SPPL2A: variants seen among roughly 807,000 people sequenced by gnomAD.
SPPL2A encodes signal peptide peptidase-like 2A.
In SPPL2A, 51 loss-of-function variants were observed where a neutral mutation model predicts 63.8. That is an observed-to-expected ratio of 0.80 (90% confidence interval 0.64 to 1.01). The LOEUF (loss-of-function observed/expected upper bound fraction) is 1.01. SPPL2A is among the 50% of genes least tolerant of loss of function. SPPL2A has a pLI of 0.00. For synonymous variants in SPPL2A, 188 were observed against 205.8 expected (o/e 0.91, Z 0.74); for missense variants, 553 against 622.7 (o/e 0.89, Z 1.19).
At chr15:50,752,704 C>T (rs1380258677) in intron 1 of SPPL2A, among the ~76,000 whole-genome samples, 1 of 145,896 alleles carries the variant, frequency 6.9e-6, no homozygotes, top group Non-Finnish European at 1.5e-5. Flanking sequence ...TGCAACAGAG[C>T]AAGACTCCAT....
rs752242047 is a variant in SPPL2A at position 50,765,455 on chromosome 15, C to T, written c.66+13G>A. The T allele has an allele frequency of 1.9e-5, 29 of 1,500,314 alleles. No individual in the cohort carries two copies. The Admixed American group carries it at 4.9e-4, about 25-fold the overall frequency. 92.9% of individuals were successfully genotyped at this position (1,500,314 alleles called of 1,614,324 possible). A position where few individuals can be genotyped will look rare whatever the true frequency, so the allele number is the denominator to read the frequency against. On this transcript the variant is annotated intron_variant, in intron 1 of 14. Transcript: ENST00000261854. ...AGCCCCTGGGAGGCCTGCGCGCCTTCCCGCCCCCTTACCAGCTGGAGCAGG... is the reference window on the plus strand; with the variant it reads ...AGCCCCTGGGAGGCCTGCGCGCCTTTCCGCCCCCTTACCAGCTGGAGCAGG...
rs952195202 is a variant in SPPL2A at position 50,726,106 on chromosome 15, T to C, written c.1146+215A>G. The C allele has an allele frequency of 3.3e-6, 5 of 1,509,114 alleles. No individual in the cohort carries two copies. The African/African-American group carries it at 4.1e-5, about 13-fold the overall frequency. The allele number at this position is 1,509,114 out of a possible 1,614,324, so 93.5% of individuals were successfully genotyped here. A position where few individuals can be genotyped will look rare whatever the true frequency, so the allele number is the denominator to read the frequency against. The stretch of plus-strand genomic sequence containing the variant: ...GGGGAGCTGAGGGTTGACCAGTGGC[T>C]TCCACCAAGTTTCCATCATTCTAGG... On this transcript the variant is annotated intron_variant, in intron 11 of 14. Coordinates refer to ENST00000261854, the MANE Select transcript of SPPL2A (RefSeq NM_032802.4).
At chr15:50,719,296 G>A (rs901387617) in intron 14 of SPPL2A, among the ~76,000 whole-genome samples, 1 of 152,110 alleles carries the variant, frequency 6.6e-6, no homozygotes, top group African/African-American at 2.4e-5. Context: ...CCAGGCTGGA[G>A]TGCAATGGCG....
At chr15:50,757,971 G>A (rs1419383843) in intron 1 of SPPL2A, among the ~76,000 whole-genome samples, 13 of 146,040 alleles carry the variant, frequency 8.9e-5, no homozygotes, top group African/African-American at 3.3e-4. Flanking sequence ...GCGACAGAGT[G>A]AGACTCCGTC....
chr15:50,750,148 G>C (rs1332918421), intron 1 of SPPL2A, among the ~76,000 whole-genome samples: 1 of 152,008 alleles, frequency 6.6e-6, no homozygotes, highest in Non-Finnish European at 1.5e-5. Flanking sequence ...CTGTCACCTA[G>C]ACTGGAGTGC....
intron 3 of SPPL2A, 102 bp downstream of exon 3, chr15:50,748,586 T>C (rs773618630): frequency 1.3e-6 from 1 of 752,010 alleles, no homozygotes; most frequent in Non-Finnish European, 2.1e-6. Flanking sequence ...ATCAGATCAT[T>C]CAAAACTCAG....
intron 10 of SPPL2A, among the ~76,000 whole-genome samples, chr15:50,729,079 G>T (rs2062711111): frequency 6.6e-6 from 1 of 152,172 alleles, no homozygotes; most frequent in African/African-American, 2.4e-5. Context: ...CTCCCAAAGT[G>T]CTGGGATTAC....
intron 14 of SPPL2A, among the ~76,000 whole-genome samples, chr15:50,710,980 T>C (rs965883592): frequency 7.2e-5 from 11 of 152,316 alleles, no homozygotes; most frequent in East Asian, 5.8e-4. Context: ...TTCATTGTGC[T>C]ATATGCCAAA....
intron 14 of SPPL2A, among the ~76,000 whole-genome samples, chr15:50,717,593 A>T (rs1037910269): frequency 6.6e-6 from 1 of 152,198 alleles, no homozygotes; most frequent in Non-Finnish European, 1.5e-5. Flanking sequence ...AATGTGGCTT[A>T]TAAGATGCTA....
chr15:50,722,765 CTT>C (rs533637025), intron 12 of SPPL2A, among the ~76,000 whole-genome samples: 436 of 152,174 alleles, frequency 2.9e-3, no homozygotes, highest in Non-Finnish European at 4.4e-3. Flanking sequence ...ATGAAGAAAA[CTT>C]TTAAAATTTA....
chr15:50,736,447 A>C (rs1051361449), intron 7 of SPPL2A, among the ~76,000 whole-genome samples, 197 bp downstream of exon 7: 16 of 152,238 alleles, frequency 1.1e-4, no homozygotes, highest in Non-Finnish European at 1.9e-4. Flanking sequence ...ATATGTGGCT[A>C]TTGAGCACTT....
chr15:50,728,759 C>T (rs1481591618), intron 10 of SPPL2A, among the ~76,000 whole-genome samples: 1 of 151,904 alleles, frequency 6.6e-6, no homozygotes, highest in African/African-American at 2.4e-5. Context: ...CTTCCCACCT[C>T]AGTCTCCCGA....
intron 1 of SPPL2A, among the ~76,000 whole-genome samples, chr15:50,761,414 G>C (rs974958593): frequency 3.3e-5 from 5 of 152,080 alleles, no homozygotes; most frequent in South Asian, 2.1e-4. Flanking sequence ...TCAGTAGTTC[G>C]AGAGTAGCCT....
At chr15:50,755,627 C>CAAAAAAAAAAAAAA (rs148415568) in intron 1 of SPPL2A, among the ~76,000 whole-genome samples, 4 of 49,542 alleles carry the variant, frequency 8.1e-5, no homozygotes, top group East Asian at 4.8e-4. Context: ...CACCCTGTCT[C>CAAAAAAAAAAAAAA]AAAAAAAAAA....
chr15:50,747,895 T>C, intron 4 of SPPL2A: 4 of 461,234 alleles, frequency 8.7e-6, no homozygotes, highest in Middle Eastern at 1.2e-3. Flanking sequence ...ACAAGAGATT[T>C]TTAAAGAACT....
chr15:50,755,082 G>T (rs2062944466), intron 1 of SPPL2A, among the ~76,000 whole-genome samples: 1 of 152,188 alleles, frequency 6.6e-6, no homozygotes, highest in African/African-American at 2.4e-5. Context: ...CACTTTGGGA[G>T]GCCTAGGCAG....
At chr15:50,739,549 A>C in intron 6 of SPPL2A, 131 bp downstream of exon 6, 1 of 579,678 alleles carries the variant, frequency 1.7e-6, no homozygotes, top group Non-Finnish European at 2.8e-6. Context: ...TAATTAAAAA[A>C]AAATTAATAT....
intron 5 of SPPL2A, among the ~76,000 whole-genome samples, chr15:50,745,090 C>G (rs1318387955): frequency 6.6e-6 from 1 of 151,996 alleles, no homozygotes; most frequent in Non-Finnish European, 1.5e-5. Flanking sequence ...GTGGCTTTTT[C>G]ATTTCTTTCA....
chr15:50,718,816 G>T (rs1248141183), intron 14 of SPPL2A, among the ~76,000 whole-genome samples: 1 of 152,128 alleles, frequency 6.6e-6, no homozygotes, highest in Non-Finnish European at 1.5e-5. Context: ...CATGGACTTT[G>T]AACTGTTTAT....
Sources: gnomAD v4.1 joint callset for allele counts (sites outside exome capture counted in the v4.1 genomes callset) on GRCh38, gnomAD v4.1.1 for gene constraint, MANE v1.5 for transcripts, NCBI Gene and HGNC (gene_info 2026-07-23, HGNC 2026-07-21) for gene names.